Variants in CRB1 observed in about 807,000 individuals in gnomAD.
CRB1 encodes the protein protein crumbs homolog 1.
CRB1 carries 83 observed loss-of-function variants against 120.0 expected under a neutral mutation model. The ratio of observed to expected loss-of-function variants is 0.69; its 90% CI spans 0.58 to 0.83. The LOEUF is 0.83. Among genes scored for constraint, CRB1 ranks in the 40% least tolerant of loss-of-function variants. The pLI, the probability that CRB1 is intolerant of heterozygous loss-of-function variation, is 0.00. For synonymous variants in CRB1, 625 were observed against 612.5 expected, an observed-to-expected ratio of 1.02 and a Z score of -0.30; for missense variants, 1,699 against 1,687.6, an observed-to-expected ratio of 1.01 and a Z score of -0.12.
At chr1:197,241,221 A>G in the CRB1 span, among the ~76,000 whole-genome samples, 8 of 152,032 alleles carry the variant, frequency 5.3e-5, no homozygotes, top group African/African-American at 1.7e-4. Context: ...CTTATTTGTC[A>G]ATTTTGGCTT....
chr1:197,475,411 C>T (rs990528193), intron 11 of CRB1, among the ~76,000 whole-genome samples: 1 of 152,156 alleles, frequency 6.6e-6, no homozygotes, highest in African/African-American at 2.4e-5. Context: ...CACAATCTGA[C>T]ATGGGGTGAT....
chr1:197,346,444 T>C (rs1348908860), intron 3 of CRB1, among the ~76,000 whole-genome samples: 1 of 152,198 alleles, frequency 6.6e-6, no homozygotes, highest in Non-Finnish European at 1.5e-5. Context: ...AGGTATTTTT[T>C]AATTGAACAA....
chr1:197,362,548 T>A (rs550900683), intron 5 of CRB1, among the ~76,000 whole-genome samples: 1 of 152,274 alleles, frequency 6.6e-6, no homozygotes, highest in Admixed American at 6.5e-5. Flanking sequence ...ATTTTGAGGC[T>A]CTGTTGTTTG....
the CRB1 span, chr1:197,222,696 T>C: frequency 6.2e-6 from 5 of 805,400 alleles, no homozygotes; most frequent in Non-Finnish European, 1.1e-5. Context: ...TCAGGAAAAC[T>C]CCATTCTCAG....
chr1:197,359,013 G>A (rs75380277), intron 5 of CRB1, among the ~76,000 whole-genome samples: 3,113 of 152,058 alleles, frequency 0.02, 93 homozygotes, highest in African/African-American at 0.067. Context: ...ATGTCTACAC[G>A]TTTTTCTATA....
intron 4 of CRB1, among the ~76,000 whole-genome samples, chr1:197,354,817 GCCCCC>G (rs1558076215): frequency 5.1e-5 from 1 of 19,464 alleles, no homozygotes; most frequent in Non-Finnish European, 8.7e-5. Flanking sequence ...TCTGCCCCCC[GCCCCC>G]CCACCCCCCC....
At chr1:197,263,259 T>A (rs1398691911), upstream of CRB1, among the ~76,000 whole-genome samples, 5 of 152,208 alleles carry the variant, frequency 3.3e-5, no homozygotes, top group Non-Finnish European at 7.3e-5. Context: ...GTAGTTTTGA[T>A]TTGCATTTCT....
At chr1:197,446,935 A>G (rs1237620894) in intron 11 of CRB1, among the ~76,000 whole-genome samples, 2 of 152,170 alleles carry the variant, frequency 1.3e-5, no homozygotes, top group African/African-American at 4.8e-5. Context: ...ATCAGGGTGT[A>G]TATATTTGGG....
intron 8 of CRB1, among the ~76,000 whole-genome samples, chr1:197,430,802 C>T (rs1459705063): frequency 6.6e-6 from 1 of 151,984 alleles, no homozygotes; most frequent in Non-Finnish European, 1.5e-5. Context: ...TGGTTTCTTG[C>T]TCATAAATAT....
intron 5 of CRB1, among the ~76,000 whole-genome samples, chr1:197,389,844 A>G (rs1662405638): frequency 6.6e-6 from 1 of 152,068 alleles, no homozygotes; most frequent in Admixed American, 6.6e-5. Flanking sequence ...TGCAGTTTCT[A>G]AAGTCTTGAA....
intron 5 of CRB1, among the ~76,000 whole-genome samples, chr1:197,387,998 C>T (rs148734244): frequency 6.6e-6 from 1 of 151,652 alleles, no homozygotes; most frequent in Non-Finnish European, 1.5e-5. Context: ...CTCTCTCTCT[C>T]TCTATATATA....
chr1:197,441,952 A>G (rs556765900), intron 10 of CRB1: 1 of 601,218 alleles, frequency 1.7e-6, no homozygotes, highest in African/African-American at 1.9e-5. Context: ...GTGTATATGT[A>G]TATATATGTG....
rs76744075 is a variant in CRB1 at position 197,430,372 on chromosome 1, T to C, written c.2842+758T>C. ...TTCAAAGATTGTGCTCCTAAAACTT[T>C]TCTCTCACACACCAGTATCAATTTT... On this transcript the variant is annotated intron_variant, in intron 8 of 11. Transcript: ENST00000367400. Among the ~76,000 whole-genome samples, 17 of 152,320 alleles carry C rather than the reference T, an allele frequency of 1.1e-4. 1 individual carries two copies. The East Asian group carries it at 3.3e-3, about 29-fold the overall frequency.
chr1:197,230,136 A>G, the CRB1 span, among the ~76,000 whole-genome samples: 5 of 152,216 alleles, frequency 3.3e-5, no homozygotes, highest in Non-Finnish European at 7.4e-5. Flanking sequence ...TAACTTGCTT[A>G]AGATCACTCA....
chr1:197,289,882 T>C (rs1168308662), intron 1 of CRB1, among the ~76,000 whole-genome samples: 1 of 151,588 alleles, frequency 6.6e-6, no homozygotes, highest in East Asian at 1.9e-4. Flanking sequence ...GATATATATC[T>C]TACATAGTTA....
chr1:197,450,058 C>T (rs779978026), intron 11 of CRB1, among the ~76,000 whole-genome samples: 2 of 152,180 alleles, frequency 1.3e-5, no homozygotes, highest in Non-Finnish European at 2.9e-5. Context: ...GTGCCCTCCG[C>T]TCTGCTTAGT....
chr1:197,334,337 T>C (rs1171371555), intron 2 of CRB1, among the ~76,000 whole-genome samples: 1 of 152,176 alleles, frequency 6.6e-6, no homozygotes, highest in East Asian at 1.9e-4. Flanking sequence ...TACTTGATGA[T>C]ATGATTTGAG....
At chr1:197,356,305 T>A (rs985792444) in intron 4 of CRB1, among the ~76,000 whole-genome samples, 1 of 152,228 alleles carries the variant, frequency 6.6e-6, no homozygotes, top group South Asian at 2.1e-4. Context: ...AAGTGACAAA[T>A]CATGTTTTAC....
rs1049982694 is a variant in CRB1 at position 197,279,537 on chromosome 1, C to G, written c.70+11055C>G. Among the ~76,000 whole-genome samples the G allele has an allele frequency of 1.6e-4, 21 of 130,848 alleles. 1 individual carries two copies. In the Admixed American group the frequency reaches 1.6e-3, roughly 10 times the overall value. 85.8% of individuals were successfully genotyped at this position (130,848 alleles called of 152,430 possible). A position where few individuals can be genotyped will look rare whatever the true frequency, so the allele number is the denominator to read the frequency against. ...AAATTTTTTTTTGTTTGTTTTCTGG[C>G]TTTTTTTTTTTTTTTAACAACCCCT... On this transcript the variant is annotated intron_variant, in intron 1 of 11. Coordinates refer to ENST00000367400, the MANE Select transcript of CRB1 (RefSeq NM_201253.3).
Sources: allele counts gnomAD v4.1 joint callset (sites outside exome capture counted in the v4.1 genomes callset), GRCh38; gene constraint gnomAD v4.1.1; transcripts MANE v1.5; gene names NCBI Gene and HGNC (gene_info 2026-07-23, HGNC 2026-07-21).